Variants in OXR1 observed in about 807,000 individuals in gnomAD.
The protein encoded by OXR1 is oxidation resistance 1.
OXR1 carries 41 observed loss-of-function variants against 104.6 expected under a neutral mutation model. The observed-to-expected ratio is 0.39, with a 90% confidence interval of 0.31 to 0.51. The LOEUF is 0.51. Ranked by LOEUF, OXR1 falls within the 20% of genes least tolerant of loss-of-function variation. OXR1 has a pLI of 0.77. For missense variants in OXR1, 955 were observed against 1,031.9 expected, an observed-to-expected ratio of 0.93 and a Z score of 1.02; for synonymous variants, 348 against 348.4, an observed-to-expected ratio of 1.00 and a Z score of 0.01.
intron 3 of OXR1, among the ~76,000 whole-genome samples, chr8:106,575,038 A>C (rs1172616320): frequency 6.6e-6 from 1 of 152,118 alleles, no homozygotes; most frequent in African/African-American, 2.4e-5. Context: ...CCTGATATTA[A>C]TAATATACAT....
chr8:106,718,838 C>CA (rs34959772), intron 11 of OXR1, among the ~76,000 whole-genome samples: 54,626 of 132,156 alleles, frequency 0.41, 10,943 homozygotes, highest in African/African-American at 0.5. Flanking sequence ...GACTCCACCT[C>CA]AAAAAAAAAA....
At chr8:106,487,032 T>G (rs1810706737) in intron 2 of OXR1, among the ~76,000 whole-genome samples, 1 of 150,450 alleles carries the variant, frequency 6.6e-6, no homozygotes, top group African/African-American at 2.4e-5. Flanking sequence ...TTTTTTTTTT[T>G]TTTTTTTTTG....
chr8:106,691,211 T>C (rs1182481040), intron 6 of OXR1, among the ~76,000 whole-genome samples: 2 of 151,984 alleles, frequency 1.3e-5, no homozygotes, highest in East Asian at 3.9e-4. Context: ...TATTTCTATA[T>C]TTTTAAGGAC....
At chr8:106,510,228 C>T (rs763321742) in intron 2 of OXR1, among the ~76,000 whole-genome samples, 6 of 152,080 alleles carry the variant, frequency 3.9e-5, no homozygotes, top group Admixed American at 3.3e-4. Context: ...GGTTTTTCCC[C>T]TGTAATGAAA....
chr8:106,731,753 G>A (rs562322730), intron 11 of OXR1, among the ~76,000 whole-genome samples: 43 of 152,248 alleles, frequency 2.8e-4, no homozygotes, highest in African/African-American at 1.0e-3. Context: ...GTATTTGTCA[G>A]TTCTTTTGCC....
intron 2 of OXR1, among the ~76,000 whole-genome samples, chr8:106,515,860 T>C (rs1350130704): frequency 6.6e-6 from 1 of 152,106 alleles, no homozygotes; most frequent in Non-Finnish European, 1.5e-5. Context: ...GATTTTTGGT[T>C]ACTACTCCTT....
intron 2 of OXR1, among the ~76,000 whole-genome samples, chr8:106,378,872 T>A (rs558619771): frequency 6.6e-6 from 1 of 152,282 alleles, no homozygotes; most frequent in East Asian, 1.9e-4. Flanking sequence ...AGTCTTACTG[T>A]ATATTTCAAA....
At chr8:106,288,295 G>A (rs1276693139) in intron 1 of OXR1, among the ~76,000 whole-genome samples, 1 of 152,152 alleles carries the variant, frequency 6.6e-6, no homozygotes, top group Non-Finnish European at 1.5e-5. Flanking sequence ...GTGGAACATT[G>A]CCGACAGCCT....
chr8:106,440,507 C>T (rs1421493380), intron 2 of OXR1, among the ~76,000 whole-genome samples: 1 of 152,046 alleles, frequency 6.6e-6, no homozygotes, highest in African/African-American at 2.4e-5. Flanking sequence ...TACTTCCATT[C>T]CTTTCTAGTT....
At chr8:106,417,726 T>C (rs1586623382) in intron 2 of OXR1, among the ~76,000 whole-genome samples, 1 of 152,180 alleles carries the variant, frequency 6.6e-6, no homozygotes, top group Admixed American at 6.6e-5. Flanking sequence ...GTGTTACTAC[T>C]ATAGTGCTTT....
chr8:106,700,534 A>C (rs1830494108), intron 7 of OXR1, among the ~76,000 whole-genome samples: 2 of 152,218 alleles, frequency 1.3e-5, no homozygotes, highest in South Asian at 4.1e-4. Flanking sequence ...AGATTCCTGG[A>C]AAGTAACATT....
At chr8:106,285,974 C>A (rs1035408109) in intron 1 of OXR1, among the ~76,000 whole-genome samples, 1 of 90,850 alleles carries the variant, frequency 1.1e-5, no homozygotes, top group African/African-American at 4.1e-5. Flanking sequence ...CCGTAACCAC[C>A]TTTTTCAGTC....
rs1158937056 is a variant in OXR1, at chr8:106,751,325, A to G, written c.*384A>G. On this transcript the variant is annotated 3_prime_UTR_variant, in exon 17 of 17. Coordinates refer to ENST00000517566, the MANE Select transcript of OXR1 (RefSeq NM_001198533.2). The stretch of plus-strand genomic sequence containing the variant: ...TTGATTCGTTTACTAGAACAGTCTA[A>G]TTGGGGCATTGAGGAAATGAAGACT... 6.5e-6 allele frequency: 1 copy of G among 154,228 alleles called. No homozygotes were observed. The highest frequency in any genetic ancestry group is 1.4e-5 in the Non-Finnish European group (1 of 69,412). 9.6% of individuals were successfully genotyped at this position (154,228 alleles called of 1,614,324 possible).
At chr8:106,326,193 C>T (rs1187290578) in intron 1 of OXR1, among the ~76,000 whole-genome samples, 1 of 152,192 alleles carries the variant, frequency 6.6e-6, no homozygotes, top group African/African-American at 2.4e-5. Context: ...AGTCTCCCTT[C>T]ACCTCTCACT....
intron 3 of OXR1, among the ~76,000 whole-genome samples, chr8:106,555,617 C>A (rs1343030227): frequency 6.6e-6 from 1 of 151,968 alleles, no homozygotes; most frequent in Non-Finnish European, 1.5e-5. Context: ...TAATGATTTT[C>A]TAAGCGCTTT....
intron 3 of OXR1, chr8:106,581,303 T>TA (rs1818205088): frequency 8.4e-7 from 1 of 1,183,628 alleles, no homozygotes; most frequent in Non-Finnish European, 1.1e-6. Context: ...TTCATTTGCC[T>TA]AAAAAATGTC....
chr8:106,351,070 C>T (rs17336699), intron 1 of OXR1, among the ~76,000 whole-genome samples: 10,223 of 152,076 alleles, frequency 0.067, 362 homozygotes, highest in Non-Finnish European at 0.073. Context: ...CCTATAAATA[C>T]GGCTCCAAAT....
At chr8:106,703,805 G>T (rs1055684757) in intron 8 of OXR1, among the ~76,000 whole-genome samples, 3 of 152,072 alleles carry the variant, frequency 2.0e-5, no homozygotes, top group African/African-American at 7.2e-5. Context: ...AGAAAGGAAG[G>T]AGAAGTAGCA....
At chr8:106,462,609 AT>A (rs1820970580) in intron 2 of OXR1, among the ~76,000 whole-genome samples, 1 of 152,112 alleles carries the variant, frequency 6.6e-6, no homozygotes, top group South Asian at 2.1e-4. Flanking sequence ...ATCATCATTT[AT>A]TTTGTTTTCC....
Sources: gnomAD v4.1 joint callset for allele counts (sites outside exome capture counted in the v4.1 genomes callset) on GRCh38, gnomAD v4.1.1 for gene constraint, MANE v1.5 for transcripts, NCBI Gene and HGNC (gene_info 2026-07-23, HGNC 2026-07-21) for gene names.